BMERB1: variants seen among roughly 807,000 people sequenced by gnomAD.
BMERB1 encodes the protein bMERB domain-containing protein 1.
A neutral mutation model predicts 23.6 loss-of-function variants in BMERB1; 12 were observed. The observed-to-expected ratio is 0.51, with a 90% CI of 0.33 to 0.82. The LOEUF (loss-of-function observed/expected upper bound fraction) is 0.82. Among genes scored for constraint, BMERB1 ranks in the 40% least tolerant of loss-of-function variants. The pLI is 0.03. For synonymous variants in BMERB1, 122 were observed against 96.6 expected (o/e 1.26, Z -1.54); for missense variants, 247 against 255.4 (o/e 0.97, Z 0.22).
chr16:15,564,179 T>C (rs553437510), intron 2 of BMERB1, among the ~76,000 whole-genome samples: 7 of 152,216 alleles, frequency 4.6e-5, no homozygotes, highest in Non-Finnish European at 1.0e-4. Context: ...TATAAAGATA[T>C]TATTTCCTCT....
intron 2 of BMERB1, among the ~76,000 whole-genome samples, chr16:15,559,556 G>T (rs1481518702): frequency 6.6e-6 from 1 of 152,242 alleles, no homozygotes; most frequent in Admixed American, 6.5e-5. Flanking sequence ...TTCCTGGACT[G>T]CTGTGACGGT....
At chr16:15,442,487 C>A (rs1007539605) in intron 1 of BMERB1, among the ~76,000 whole-genome samples, 3 of 152,092 alleles carry the variant, frequency 2.0e-5, no homozygotes, top group Admixed American at 1.3e-4. Flanking sequence ...ATTATTTACA[C>A]AGTTGAGTAA....
chr16:15,582,972 GTC>G (rs914450947), intron 4 of BMERB1, among the ~76,000 whole-genome samples, 182 bp from the exon 5 acceptor site: 2 of 152,122 alleles, frequency 1.3e-5, no homozygotes, highest in African/African-American at 4.8e-5. Flanking sequence ...ATTGATATGT[GTC>G]TCTGGTTCAG....
intron 1 of BMERB1, among the ~76,000 whole-genome samples, chr16:15,449,062 A>G (rs772623164): frequency 6.6e-5 from 10 of 152,228 alleles, no homozygotes; most frequent in Non-Finnish European, 1.2e-4. Flanking sequence ...CTGAAACAAC[A>G]GAAACAAAAA....
intron 2 of BMERB1, among the ~76,000 whole-genome samples, chr16:15,536,080 T>A (rs1003179410): frequency 2.6e-5 from 4 of 152,114 alleles, no homozygotes; most frequent in African/African-American, 9.7e-5. Flanking sequence ...AACCATATCC[T>A]TTTCCCTGTA....
At chr16:15,479,360 C>G (rs1337621648) in intron 1 of BMERB1, among the ~76,000 whole-genome samples, 2 of 152,174 alleles carry the variant, frequency 1.3e-5, no homozygotes, top group Admixed American at 1.3e-4. Context: ...CAAAATCATA[C>G]TTGAGCAAAA....
rs370655477 is a variant in BMERB1, at chr16:15,485,193, C to T, written c.107-30112C>T. Reference sequence around the variant, plus strand: ...TGGTGGGGGAGAGGGGAAGAGGTGGCGGTAGAATATTCTGATTGGCCAGGT... The same window carrying T: ...TGGTGGGGGAGAGGGGAAGAGGTGGTGGTAGAATATTCTGATTGGCCAGGT... On this transcript the variant is annotated intron_variant, in intron 1 of 5. Transcript: ENST00000300006. 3.3e-5 allele frequency among the ~76,000 whole-genome samples: 5 copies of T among 152,200 alleles called. No individual in the cohort carries two copies. In the East Asian group the frequency reaches 7.7e-4, roughly 23 times the overall value.
At chr16:15,568,955 G>A (rs147249844) in intron 3 of BMERB1, among the ~76,000 whole-genome samples, 95 of 152,200 alleles carry the variant, frequency 6.2e-4, no homozygotes, top group Non-Finnish European at 9.0e-4. Flanking sequence ...GGTGGCTCAC[G>A]CCTGTAATCC....
At chr16:15,558,840 C>T (rs1004582442) in intron 2 of BMERB1, among the ~76,000 whole-genome samples, 7 of 149,706 alleles carry the variant, frequency 4.7e-5, no homozygotes, top group African/African-American at 9.8e-5. Flanking sequence ...GGTTAGCGTT[C>T]GGTTTCGCCA....
chr16:15,496,485 A>G (rs2051474468), intron 1 of BMERB1, among the ~76,000 whole-genome samples: 2 of 152,180 alleles, frequency 1.3e-5, no homozygotes, highest in African/African-American at 2.4e-5. Context: ...ACAACTAGCT[A>G]TTATGAAATG....
intron 1 of BMERB1, among the ~76,000 whole-genome samples, chr16:15,443,264 C>A (rs1400986663): frequency 1.4e-5 from 2 of 143,970 alleles, no homozygotes; most frequent in Non-Finnish European, 3.1e-5. Context: ...CAAAAAAAAA[C>A]ACCACAGGCT....
intron 2 of BMERB1, among the ~76,000 whole-genome samples, chr16:15,533,898 AC>A (rs1310064084): frequency 6.6e-6 from 1 of 151,450 alleles, no homozygotes; most frequent in Non-Finnish European, 1.5e-5. Context: ...AATACCTCCC[AC>A]CCCGTGTTGC....
chr16:15,587,249 T>G lies in BMERB1; in HGVS notation c.*420T>G. The G allele has an allele frequency of 4.4e-6, 1 of 227,936 alleles. No homozygotes were observed. The highest frequency in any genetic ancestry group is 5.0e-5 in the South Asian group (1 of 19,950). The allele number at this position is 227,936 out of a possible 1,614,324, so 14.1% of individuals were successfully genotyped here. A position where few individuals can be genotyped will look rare whatever the true frequency, so the allele number is the denominator to read the frequency against. On this transcript the variant is annotated 3_prime_UTR_variant, in exon 6 of 6. Coordinates refer to ENST00000300006, the MANE Select transcript of BMERB1 (RefSeq NM_033201.3). ...TGTCGGACACGTTCCCCATCCACCC[T>G]CCTAGCTCTGCTCTCAGAGCTAGGC... is the stretch of plus-strand genomic sequence containing the variant.
intron 2 of BMERB1, among the ~76,000 whole-genome samples, chr16:15,562,692 C>T (rs1232141227): frequency 2.0e-5 from 3 of 152,158 alleles, no homozygotes; most frequent in African/African-American, 7.2e-5. Flanking sequence ...AAATATGTCT[C>T]CAGGCATTGC....
At chr16:15,549,526 A>C (rs974042479) in intron 2 of BMERB1, among the ~76,000 whole-genome samples, 3 of 151,688 alleles carry the variant, frequency 2.0e-5, no homozygotes. Context: ...TAAAAATACA[A>C]ATATTAGCTG....
In BMERB1 at chr16:15,446,455, CTG is replaced by C. The variant is rs555578203; in HGVS notation, c.106+11701_106+11702del. ...TGCATGAAGTTCTTCCTATGAGCCACTGTGTGCATGTTTTACATGCATCCTCC... is the reference window on the plus strand; with the variant it reads ...TGCATGAAGTTCTTCCTATGAGCCACTGTGCATGTTTTACATGCATCCTCC... On this transcript the variant is annotated intron_variant, in intron 1 of 5. Transcript: ENST00000300006. Among the ~76,000 whole-genome samples, 368 of 152,282 alleles carry C rather than the reference CTG, an allele frequency of 2.4e-3. 4 individuals are homozygous for C. Among genetic ancestry groups the C allele is most frequent in the African/African-American group, 8.5e-3 (355 of 41,566 alleles).
chr16:15,563,206 ACTCTAT>A (rs1201905705), intron 2 of BMERB1, among the ~76,000 whole-genome samples: 2 of 151,982 alleles, frequency 1.3e-5, no homozygotes, highest in Admixed American at 1.3e-4. Context: ...ACATGGTGTA[ACTCTAT>A]CTCTATTATA....
Position 15,568,052 on chromosome 16 carries a change from C to T in BMERB1, c.300C>T (p.Ile100=). The T allele has an allele frequency of 5.6e-6, 9 of 1,613,884 alleles. No homozygotes were observed. The highest frequency in any genetic ancestry group is 7.6e-6 in the Non-Finnish European group (9 of 1,179,868). ...AGGAGCTGCAGAACTTGGTCGCCAT[C>T]CCAGGTAACCATTTGCAACTTCACC... is the stretch of plus-strand genomic sequence containing the variant. ...LKQELQNLVA[I]PEKEKTKLQK... is the part of the protein sequence containing the mutation. The change falls in exon 3 of 6, where the codon ATC becomes ATT. Residue 100 remains isoleucine (I), a synonymous_variant. Transcript: ENST00000300006.
chr16:15,470,535 T>C (rs1340085369), intron 1 of BMERB1, among the ~76,000 whole-genome samples: 1 of 37,118 alleles, frequency 2.7e-5, no homozygotes, highest in Non-Finnish European at 9.8e-5. Flanking sequence ...CTTTCTTTCT[T>C]TTTTTTTTTT....
Sources: gnomAD v4.1 joint callset for allele counts (sites outside exome capture counted in the v4.1 genomes callset) on GRCh38, gnomAD v4.1.1 for gene constraint, MANE v1.5 for transcripts, NCBI Gene and HGNC (gene_info 2026-07-23, HGNC 2026-07-21) for gene names.